The following TENM4 variants were observed in gnomAD, a reference collection of about 807,000 sequenced individuals.
The protein encoded by TENM4 is teneurin-4.
A neutral mutation model predicts 243.3 loss-of-function variants in TENM4; 82 were observed. The ratio of observed to expected loss-of-function variants is 0.34; its 90% confidence interval spans 0.28 to 0.40. TENM4 has a LOEUF of 0.40. Ranked by LOEUF, TENM4 falls within the 10% of genes least tolerant of loss-of-function variation. The probability of loss-of-function intolerance (pLI) is 1.00; values close to 1 mark genes in which losing one functional copy is unlikely to be tolerated. For missense variants in TENM4, 3,138 were observed against 3,673.3 expected (o/e 0.85, Z 3.77); for synonymous variants, 1,412 against 1,456.3 (o/e 0.97, Z 0.69).
intron 32 of TENM4, 136 bp from the exon 33 acceptor site, chr11:78,661,727 T>C (rs1858035248): frequency 9.0e-7 from 1 of 1,115,522 alleles, no homozygotes. Flanking sequence ...AGTCAACTGC[T>C]ACATACACTT....
At chr11:79,069,621 C>T (rs1011216332) in intron 5 of TENM4, 101 bp downstream of exon 5, 4 of 1,417,506 alleles carry the variant, frequency 2.8e-6, no homozygotes, top group Non-Finnish European at 3.7e-6. Context: ...TGTTCCAGCT[C>T]ACCTGTGCCA....
At chr11:79,063,582 G>T (rs752697350) in intron 6 of TENM4, among the ~76,000 whole-genome samples, 19 of 152,184 alleles carry the variant, frequency 1.2e-4, no homozygotes, top group Non-Finnish European at 1.9e-4. Context: ...ACCCACCTCG[G>T]TGCTGACCTG....
intron 10 of TENM4, among the ~76,000 whole-genome samples, chr11:78,860,319 C>T (rs1433653483): frequency 6.6e-6 from 1 of 152,116 alleles, no homozygotes; most frequent in Non-Finnish European, 1.5e-5. Context: ...CCTTGTTCTA[C>T]AGATGAGGAA....
intron 3 of TENM4, among the ~76,000 whole-genome samples, chr11:79,212,586 T>C (rs906834113): frequency 7.9e-5 from 12 of 152,136 alleles, no homozygotes; most frequent in Non-Finnish European, 4.4e-5. Context: ...GACCCCTAAT[T>C]TGAAGACTGA....
At chr11:78,690,727 G>A (rs1410058055) in intron 28 of TENM4, among the ~76,000 whole-genome samples, 1 of 152,150 alleles carries the variant, frequency 6.6e-6, no homozygotes, top group Non-Finnish European at 1.5e-5. Context: ...CATCTTAACT[G>A]TATCTGTGAT....
chr11:79,158,023 C>T (rs1862659153), intron 3 of TENM4, among the ~76,000 whole-genome samples: 1 of 152,176 alleles, frequency 6.6e-6, no homozygotes, highest in South Asian at 2.1e-4. Flanking sequence ...CACAATTATG[C>T]TGTGCAGCTT....
rs376705044 is a variant in TENM4, at chr11:79,355,335, C to A, written c.-320-57792G>T. Reference sequence around the variant, plus strand: ...ATCACCTGAGGTCAGGAGTTCAAGACCAGCCTGGCCAACATGGTAAAACCT... The same window carrying A: ...ATCACCTGAGGTCAGGAGTTCAAGAACAGCCTGGCCAACATGGTAAAACCT... On this transcript the variant is annotated intron_variant, in intron 1 of 33. Transcript: ENST00000278550. Among the ~76,000 whole-genome samples, 81 of 152,294 alleles carry A rather than the reference C, an allele frequency of 5.3e-4. 3 individuals carry two copies. In the South Asian group the frequency reaches 0.016, roughly 31 times the overall value.
rs1267054783 is a variant in TENM4, at chr11:78,871,980, C to T, written c.1085-8848G>A. ...TCACATTTATTATGTCATTCAAACT[C>T]ACAACTCTTTAAGTTAGATAGTATT... On this transcript the variant is annotated intron_variant, in intron 9 of 33. Transcript: ENST00000278550. Among the ~76,000 whole-genome samples, 4 of 152,286 alleles carry T rather than the reference C, an allele frequency of 2.6e-5. No homozygotes were observed. The East Asian group carries it at 7.7e-4, about 29-fold the overall frequency.
chr11:79,089,667 C>T (rs1860899984), intron 4 of TENM4, among the ~76,000 whole-genome samples: 1 of 152,146 alleles, frequency 6.6e-6, no homozygotes, highest in South Asian at 2.1e-4. Flanking sequence ...GTTTGGCCCA[C>T]AGACTAGTAG....
intron 1 of TENM4, among the ~76,000 whole-genome samples, chr11:79,331,274 C>T (rs1250688414): frequency 6.6e-6 from 1 of 151,986 alleles, no homozygotes; most frequent in Non-Finnish European, 1.5e-5. Flanking sequence ...TTTTTCCCAG[C>T]CTGATATAGA....
chr11:79,240,216 C>T lies in TENM4; in HGVS notation c.-264-24307G>A, dbSNP rs369668025. ...CATTATGAGGACTGAATGACTGCTG[C>T]CCATAGAATTTAATGCTGCTGTGCC... On this transcript the variant is annotated intron_variant, in intron 2 of 33. Transcript: ENST00000278550. Among the ~76,000 whole-genome samples, 726 of 152,192 alleles carry T rather than the reference C, an allele frequency of 4.8e-3. 8 individuals carry two copies. The highest frequency in any genetic ancestry group is 0.022 in the South Asian group (105 of 4,822).
At chr11:79,229,598 C>T (rs1199178678) in intron 2 of TENM4, among the ~76,000 whole-genome samples, 2 of 152,180 alleles carry the variant, frequency 1.3e-5, no homozygotes, top group Non-Finnish European at 2.9e-5. Context: ...CAACACTGCA[C>T]ATTCCTGTCC....
At chr11:79,399,285 T>C (rs544264549) in intron 1 of TENM4, among the ~76,000 whole-genome samples, 1 of 152,298 alleles carries the variant, frequency 6.6e-6, no homozygotes, top group Admixed American at 6.5e-5. Context: ...CATATTCTTC[T>C]CTGGGGAAGG....
chr11:78,732,266 C>T, intron 21 of TENM4, 50 bp downstream of exon 21: 1 of 1,544,342 alleles, frequency 6.5e-7, no homozygotes, highest in African/African-American at 1.4e-5. Flanking sequence ...CTCCTCCACC[C>T]CCAAAATGAA....
At chr11:79,312,715 G>A (rs1856742124) in intron 1 of TENM4, among the ~76,000 whole-genome samples, 1 of 152,182 alleles carries the variant, frequency 6.6e-6, no homozygotes, top group Admixed American at 6.5e-5. Context: ...ATTAGCATGT[G>A]TTCCCAACAC....
At chr11:79,379,025 G>A (rs914106504) in intron 1 of TENM4, among the ~76,000 whole-genome samples, 2 of 152,174 alleles carry the variant, frequency 1.3e-5, no homozygotes, top group African/African-American at 2.4e-5. Context: ...CCCTCATAGA[G>A]GTTACAGTGC....
chr11:79,422,917 C>T (rs1364550620), intron 1 of TENM4, among the ~76,000 whole-genome samples: 2 of 152,106 alleles, frequency 1.3e-5, no homozygotes, highest in Non-Finnish European at 2.9e-5. Context: ...TCTGATAGGC[C>T]GACTTATTTT....
At chr11:79,302,163 C>T (rs1364214606) in intron 1 of TENM4, among the ~76,000 whole-genome samples, 1 of 152,194 alleles carries the variant, frequency 6.6e-6, no homozygotes, top group Non-Finnish European at 1.5e-5. Flanking sequence ...CTATCTACTT[C>T]AAGGATCAAG....
intron 1 of TENM4, among the ~76,000 whole-genome samples, chr11:79,319,506 C>T (rs192498561): frequency 2.1e-4 from 32 of 152,182 alleles, no homozygotes; most frequent in Non-Finnish European, 2.9e-5. Context: ...TATAAAATCA[C>T]CATCTTTGTA....
Sources: gnomAD v4.1 joint callset for allele counts (sites outside exome capture counted in the v4.1 genomes callset) on GRCh38, gnomAD v4.1.1 for gene constraint, MANE v1.5 for transcripts, NCBI Gene and HGNC (gene_info 2026-07-23, HGNC 2026-07-21) for gene names.